NRAP: variants seen among roughly 807,000 people sequenced by gnomAD.
The protein encoded by NRAP is nebulin-related-anchoring protein.
NRAP carries 189 observed loss-of-function variants against 225.9 expected under a neutral mutation model. The observed-to-expected ratio is 0.84, with a 90% CI of 0.74 to 0.94. The LOEUF is 0.94. NRAP is among the 40% of genes least tolerant of loss of function. The probability of loss-of-function intolerance (pLI) is 0.00; values close to 1 mark genes in which losing one functional copy is unlikely to be tolerated. For synonymous variants in NRAP, 769 were observed against 790.7 expected, an observed-to-expected ratio of 0.97 and a Z score of 0.46; for missense variants, 2,176 against 2,168.7, an observed-to-expected ratio of 1.00 and a Z score of -0.07.
At chr10:113,650,170 G>C (rs750550355) in intron 8 of NRAP, 29 bp from the exon 9 acceptor site, 7 of 1,394,074 alleles carry the variant, frequency 5.0e-6, no homozygotes, top group Non-Finnish European at 7.1e-6. Flanking sequence ...CAAACTCGGT[G>C]AATTTGACTC....
intron 35 of NRAP, among the ~76,000 whole-genome samples, chr10:113,599,279 G>A (rs1244359449): frequency 2.6e-5 from 4 of 152,138 alleles, no homozygotes; most frequent in East Asian, 1.9e-4. Context: ...GTGCAAATTC[G>A]ACTGTGCCTT....
intron 22 of NRAP, among the ~76,000 whole-genome samples, chr10:113,624,103 T>G (rs1031765403): frequency 6.6e-6 from 1 of 152,246 alleles, no homozygotes; most frequent in East Asian, 1.9e-4. Context: ...CCTGCTCCTA[T>G]CTCCAAATGT....
chr10:113,644,674 T>C (rs1239046985), intron 11 of NRAP, among the ~76,000 whole-genome samples: 1 of 152,196 alleles, frequency 6.6e-6, no homozygotes, highest in African/African-American at 2.4e-5. Context: ...CTGAGGCTCC[T>C]GATGAGGCTT....
At chr10:113,590,552 C>T in intron 40 of NRAP, 26 bp downstream of exon 40, 1 of 1,599,042 alleles carries the variant, frequency 6.3e-7, no homozygotes, top group Non-Finnish European at 8.5e-7. Context: ...GGAAGGGCCT[C>T]AAGGGAGTGG....
chr10:113,597,165 G>T lies in NRAP; in HGVS notation c.4352C>A (p.Pro1451Gln). The T allele has an allele frequency of 1.2e-6, 2 of 1,609,842 alleles. No homozygotes were observed. The highest frequency in any genetic ancestry group is 1.7e-6 in the Non-Finnish European group (2 of 1,176,080). ...CACTGTGGTGAACTTGATACTGTCT[G>T]GTTTTTTACGGTACTTGGTCTATAA... is the stretch of plus-strand genomic sequence containing the variant. Reference protein sequence around the residue: ...LISETKYRKKPDSIKFTTVVD... With the variant: ...LISETKYRKKQDSIKFTTVVD... Residue 1451 changes from proline to glutamine, a missense_variant, in exon 37 of 42, where the codon CCA becomes CAA. Physicochemically the swap from Pro to Gln is moderately conservative, Grantham distance 76. Transcript: ENST00000359988.
intron 4 of NRAP, among the ~76,000 whole-genome samples, chr10:113,654,419 GTAATC>G (rs1850174937): frequency 1.3e-5 from 2 of 149,294 alleles, no homozygotes; most frequent in African/African-American, 5.0e-5. Flanking sequence ...CTGTGGACAG[GTAATC>G]TGAGATTAAT....
intron 30 of NRAP, among the ~76,000 whole-genome samples, chr10:113,610,973 C>T (rs1456983751): frequency 6.6e-6 from 1 of 152,292 alleles, no homozygotes; most frequent in South Asian, 2.1e-4. Flanking sequence ...ATTAATTAAT[C>T]ATGGGTTAAG....
chr10:113,590,888 A>T lies in NRAP; in HGVS notation c.4646T>A (p.Phe1549Tyr), dbSNP rs1220514149. ...ARASREIASD[F>Y]RYKEAFLRDR... ...CCGCAGGAAAGCCTCTTTGTACCGG[A>T]ACTGCAAGTCAGAGGAGCAGAGGCA... The change falls in exon 40 of 42, where the codon TTC (phenylalanine) becomes TAC (tyrosine). Residue 1549 changes from phenylalanine (F) to tyrosine (Y), a missense_variant and splice_region_variant. Phe to Tyr is a conservative substitution (Grantham distance 22). This residue lies in a region of NRAP where 445 missense variants were observed against 426.1 expected (regional missense o/e 1.04). Transcript: ENST00000359988. 3 of 1,613,172 alleles carry T rather than the reference A, an allele frequency of 1.9e-6. No homozygotes were observed. The highest frequency in any genetic ancestry group is 2.5e-6 in the Non-Finnish European group (3 of 1,179,232).
intron 25 of NRAP, among the ~76,000 whole-genome samples, chr10:113,619,832 C>T (rs1847887026): frequency 6.6e-6 from 1 of 152,146 alleles, no homozygotes; most frequent in Admixed American, 6.5e-5. Context: ...GTCCAGCCTC[C>T]TGGGAGCCTT....
At chr10:113,594,805 G>T (rs978056106) in intron 38 of NRAP, among the ~76,000 whole-genome samples, 1 of 152,232 alleles carries the variant, frequency 6.6e-6, no homozygotes, top group Non-Finnish European at 1.5e-5. Context: ...AGCCACCTCT[G>T]GGGTGAACGG....
chr10:113,647,384 A>G (rs1289268328), intron 9 of NRAP, among the ~76,000 whole-genome samples: 1 of 151,622 alleles, frequency 6.6e-6, no homozygotes, highest in Non-Finnish European at 1.5e-5. Context: ...GTAGGTCTCG[A>G]ACACTACCTT....
Position 113,597,146 on chromosome 10 carries a change from G to A in NRAP, c.4371C>T (p.Thr1457=). The change falls in exon 37 of 42, where the codon ACC becomes ACT. Residue 1457 remains threonine, a synonymous_variant. Coordinates refer to ENST00000359988, the MANE Select transcript of NRAP (RefSeq NM_198060.4). ...CCAGGTCTGGGGAGTCAACCACTGTGGTGAACTTGATACTGTCTGGTTTTT... is the reference window on the plus strand; with the variant it reads ...CCAGGTCTGGGGAGTCAACCACTGTAGTGAACTTGATACTGTCTGGTTTTT... ...YRKKPDSIKF[T]TVVDSPDLVH... 1 of 1,613,068 alleles carries A rather than the reference G, an allele frequency of 6.2e-7. No individual in the cohort carries two copies. The highest frequency in any genetic ancestry group is 8.5e-7 in the Non-Finnish European group (1 of 1,179,402).
At chr10:113,641,562 C>A in intron 12 of NRAP, 90 bp from the exon 13 acceptor site, 1 of 745,744 alleles carries the variant, frequency 1.3e-6, no homozygotes, top group Non-Finnish European at 2.3e-6. Context: ...AAATCCAAGG[C>A]ATAAATGATT....
intron 29 of NRAP, 107 bp downstream of exon 29, chr10:113,614,076 A>G (rs1564716070): frequency 2.7e-6 from 2 of 751,664 alleles, no homozygotes. Flanking sequence ...CAAGTTAGCA[A>G]CAGAACCAAT....
chr10:113,646,912 A>G lies in NRAP; in HGVS notation c.993+11T>C, dbSNP rs1164598169. On this transcript the variant is annotated intron_variant, in intron 10 of 41. Transcript: ENST00000359988. The stretch of plus-strand genomic sequence containing the variant: ...CCTCTGGCTCTGTGGTCACACCTAC[A>G]TGGTACTTACGTCACTAGCGAGTTC... 6.3e-7 allele frequency: 1 copy of G among 1,588,450 alleles called. No homozygotes were observed. Among genetic ancestry groups the G allele is most frequent in the Admixed American group, 1.7e-5 (1 of 60,002 alleles).
chr10:113,598,247 C>T (rs1846398862), intron 35 of NRAP, among the ~76,000 whole-genome samples, 174 bp from the exon 36 acceptor site: 1 of 148,814 alleles, frequency 6.7e-6, no homozygotes, highest in Non-Finnish European at 1.5e-5. Context: ...TGAATTTGTA[C>T]ATTCTGCCAG....
intron 38 of NRAP, among the ~76,000 whole-genome samples, chr10:113,594,752 C>A (rs1351339691): frequency 1.3e-5 from 2 of 152,264 alleles, no homozygotes; most frequent in Admixed American, 1.3e-4. Context: ...CAAACTAATA[C>A]ACACGCTAAC....
chr10:113,613,720 T>C (rs1442482369), intron 29 of NRAP, among the ~76,000 whole-genome samples: 1 of 152,182 alleles, frequency 6.6e-6, no homozygotes, highest in East Asian at 1.9e-4. Context: ...CCTGGCCCAC[T>C]GCATGGATCC....
At position 113,622,012 on chromosome 10, in the gene NRAP, C is replaced by T; in HGVS notation, c.2626G>A (p.Asp876Asn). Residue 876 changes from aspartate to asparagine, a missense_variant, in exon 24 of 42, where the codon GAC becomes AAC. Coordinates refer to ENST00000359988, the MANE Select transcript of NRAP (RefSeq NM_198060.4). ...DTKSQCHVSL[D>N]MVHLVHARKA... ...CGGGCATGCACGAGGTGGACCATGT[C>T]CAGGGAGACGTGGCATTGGGATTTG... 1 of 1,614,216 alleles carries T rather than the reference C, an allele frequency of 6.2e-7. No homozygotes were observed. The highest frequency in any genetic ancestry group is 8.5e-7 in the Non-Finnish European group (1 of 1,180,040).
Sources: gnomAD v4.1 joint callset for allele counts (sites outside exome capture counted in the v4.1 genomes callset) on GRCh38, gnomAD v4.1.1 for gene constraint, gnomAD v4.1.1 regional missense constraint, MANE v1.5 for transcripts, NCBI Gene and HGNC (gene_info 2026-07-23, HGNC 2026-07-21) for gene names.